GIPR: variants seen among roughly 807,000 people sequenced by gnomAD.
GIPR encodes the protein GIP-R.
Under a neutral mutation model 62.2 loss-of-function variants are expected in GIPR, and 74 were observed. The ratio of observed to expected loss-of-function variants is 1.19; its 90% CI spans 0.99 to 1.44. The LOEUF is 1.44. Among genes scored for constraint, GIPR ranks in the 40% most tolerant of loss-of-function variants. The pLI is 0.00. For missense variants in GIPR, 664 were observed against 611.8 expected, an observed-to-expected ratio of 1.09 and a Z score of -0.90; for synonymous variants, 256 against 262.2, an observed-to-expected ratio of 0.98 and a Z score of 0.23.
At chr19:45,675,663 A>T (rs1169931013) in intron 7 of GIPR, among the ~76,000 whole-genome samples, 1 of 148,380 alleles carries the variant, frequency 6.7e-6, no homozygotes, top group Admixed American at 6.7e-5. Context: ...AGGTGGGCAG[A>T]TCGCTTTTTG....
At chr19:45,671,521 C>A in intron 4 of GIPR, 129 bp downstream of exon 4, 1 of 694,370 alleles carries the variant, frequency 1.4e-6, no homozygotes, top group Non-Finnish European at 2.6e-6. Context: ...CCCCCTACTC[C>A]TTTCCGGCAG....
At chr19:45,679,926 C>T (rs1212108455) in intron 12 of GIPR, among the ~76,000 whole-genome samples, 1 of 152,094 alleles carries the variant, frequency 6.6e-6, no homozygotes, top group Non-Finnish European at 1.5e-5. Context: ...CCCACTACCA[C>T]GCCTGGCTAA....
Position 45,670,552 on chromosome 19 carries a change from T to C in GIPR, c.73-83T>C, listed in dbSNP as rs1975478818. 3.4e-6 allele frequency: 3 copies of C among 889,408 alleles called. No individual in the cohort carries two copies. In the Admixed American group the frequency reaches 6.1e-5, roughly 18 times the overall value. 55.1% of individuals were successfully genotyped at this position (889,408 alleles called of 1,614,324 possible). A position where few individuals can be genotyped will look rare whatever the true frequency, so the allele number is the denominator to read the frequency against. Reference sequence around the variant, plus strand: ...ACGCAACAGACCCTCAAAGTCTCTCTGGGGCGCTTCTGGGCCACATGGACC... The same window carrying C: ...ACGCAACAGACCCTCAAAGTCTCTCCGGGGCGCTTCTGGGCCACATGGACC... On this transcript the variant is annotated intron_variant, in intron 2 of 13. Transcript: ENST00000590918.
In GIPR at chr19:45,671,302, T is replaced by G. The variant is rs746029961; in HGVS notation, c.190T>G (p.Ser64Ala). 1.4e-5 allele frequency: 22 copies of G among 1,611,304 alleles called. No homozygotes were observed. Among genetic ancestry groups the G allele is most frequent in the Non-Finnish European group, 1.9e-5 (22 of 1,178,882 alleles). Reference protein sequence around the residue: ...EPPSGLACNGSFDMYVCWDYA... With the variant: ...EPPSGLACNGAFDMYVCWDYA... ...ACCCCCAGGCCTCGCCTGTAACGGG[T>G]CCTTCGATATGTACGTCTGCTGGGA... is the stretch of plus-strand genomic sequence containing the variant. The change falls in exon 4 of 14, where the codon TCC becomes GCC. Residue 64 changes from serine (S) to alanine (A), a missense_variant. Coordinates refer to ENST00000590918, the MANE Select transcript of GIPR (RefSeq NM_000164.4).
rs967346983 is a variant in GIPR at position 45,682,134 on chromosome 19, ATG to A, written c.*200_*201del. The A allele has an allele frequency of 4.9e-6, 3 of 611,622 alleles. No individual in the cohort carries two copies. Among genetic ancestry groups the A allele is most frequent in the Non-Finnish European group, 5.8e-6 (2 of 343,228 alleles). 37.9% of individuals were successfully genotyped at this position (611,622 alleles called of 1,614,324 possible). A position where few individuals can be genotyped will look rare whatever the true frequency, so the allele number is the denominator to read the frequency against. On this transcript the variant is annotated 3_prime_UTR_variant, in exon 14 of 14. Transcript: ENST00000590918. The stretch of plus-strand genomic sequence containing the variant: ...GTTCCACACACGCTATGGAATGGTT[ATG>A]AAGGGAAGCGAGAAGGGGGCCTAGG...
At chr19:45,671,641 C>T (rs1975545409) in intron 4 of GIPR, among the ~76,000 whole-genome samples, 1 of 152,162 alleles carries the variant, frequency 6.6e-6, no homozygotes, top group Admixed American at 6.5e-5. Context: ...GCTCTATCGC[C>T]CAGGCTGGAG....
intron 5 of GIPR, 53 bp from the exon 6 acceptor site, chr19:45,674,021 G>C: frequency 9.9e-7 from 1 of 1,008,868 alleles, no homozygotes; most frequent in Non-Finnish European, 1.6e-6. Context: ...TCTCTCTCTG[G>C]GCCTGGGGCT....
chr19:45,682,022 A>T lies in GIPR; in HGVS notation c.*87A>T. On this transcript the variant is annotated 3_prime_UTR_variant, in exon 14 of 14. Coordinates refer to ENST00000590918, the MANE Select transcript of GIPR (RefSeq NM_000164.4). Reference sequence around the variant, plus strand: ...GGCCCAGTACGGAGGACGCTGGGGAAATGGTGAAGGAAACAGAAAAAAGGT... The same window carrying T: ...GGCCCAGTACGGAGGACGCTGGGGATATGGTGAAGGAAACAGAAAAAAGGT... 1.7e-6 allele frequency: 2 copies of T among 1,175,756 alleles called. No individual in the cohort carries two copies. The highest frequency in any genetic ancestry group is 2.5e-6 in the Non-Finnish European group (2 of 808,190). 72.8% of individuals were successfully genotyped at this position (1,175,756 alleles called of 1,614,324 possible).
intron 4 of GIPR, among the ~76,000 whole-genome samples, chr19:45,671,859 T>A (rs1223832473): frequency 6.6e-6 from 1 of 151,622 alleles, no homozygotes; most frequent in East Asian, 2.0e-4. Context: ...TAACCTCAAG[T>A]GATCCGCCGG....
rs1036098949 is a variant in GIPR at position 45,674,568 on chromosome 19, C to T, written c.489-114C>T. On this transcript the variant is annotated intron_variant, in intron 6 of 13. Transcript: ENST00000590918. ...GCTGCAGTGAGCCCTGATTGTGTCA[C>T]TGCATTCTAGCCTGGGTGACAGAGT... The T allele has an allele frequency of 2.7e-5, 26 of 949,402 alleles. No homozygotes were observed. The African/African-American group carries it at 3.9e-4, about 14-fold the overall frequency. The allele number at this position is 949,402 out of a possible 1,614,324, so 58.8% of individuals were successfully genotyped here.
intron 2 of GIPR, among the ~76,000 whole-genome samples, chr19:45,669,953 TGG>T (rs377191988): frequency 2.0e-5 from 2 of 100,056 alleles, no homozygotes; most frequent in Non-Finnish European, 4.2e-5. Flanking sequence ...TGTCTCGGGG[TGG>T]GGGGGGGAGG....
intron 3 of GIPR, 140 bp downstream of exon 3, chr19:45,670,874 G>A: frequency 1.6e-6 from 1 of 622,422 alleles, no homozygotes; most frequent in South Asian, 1.9e-5. Context: ...CCTGAGCATG[G>A]TGGGAACTGG....
In GIPR at chr19:45,673,033, C is replaced by T. The variant is rs368653330; in HGVS notation, c.384+79C>T. 6 of 851,676 alleles carry T rather than the reference C, an allele frequency of 7.0e-6. No individual in the cohort carries two copies. The African/African-American group carries it at 8.3e-5, about 12-fold the overall frequency. 52.8% of individuals were successfully genotyped at this position (851,676 alleles called of 1,614,324 possible). A position where few individuals can be genotyped will look rare whatever the true frequency, so the allele number is the denominator to read the frequency against. Reference sequence around the variant, plus strand: ...GTAGATTCAGGCAGGGCCTGAAACCCCTTGGACTGTTCAGACCTCTGGGTT... The same window carrying T: ...GTAGATTCAGGCAGGGCCTGAAACCTCTTGGACTGTTCAGACCTCTGGGTT... On this transcript the variant is annotated intron_variant, in intron 5 of 13. Transcript: ENST00000590918.
In GIPR at chr19:45,669,468, A is replaced by AC; in HGVS notation, c.-44-6dup. 1 of 1,543,986 alleles carries AC rather than the reference A, an allele frequency of 6.5e-7. No homozygotes were observed. The highest frequency in any genetic ancestry group is 8.7e-7 in the Non-Finnish European group (1 of 1,148,134). The stretch of plus-strand genomic sequence containing the variant: ...GCAGAGGTGCTGACCTTGCCCTGGG[A>AC]CCCTCCAGGCCTGATCGCCCCTGCA... On this transcript the variant is annotated splice_polypyrimidine_tract_variant and intron_variant, in intron 1 of 13. Transcript: ENST00000590918.
At chr19:45,674,337 G>T in intron 6 of GIPR, 160 bp downstream of exon 6, 1 of 699,142 alleles carries the variant, frequency 1.4e-6, no homozygotes, top group Non-Finnish European at 2.6e-6. Context: ...GCCGGGAGCG[G>T]TGGCTGATGC....
chr19:45,670,741 C>A lies in GIPR; in HGVS notation c.172+7C>A, dbSNP rs748623857. ...GCCGCGGAACCGCCTTCAGGTGTGA[C>A]CAGGAGGGCTGGGGACGCGGGGAGG... On this transcript the variant is annotated splice_region_variant and intron_variant, in intron 3 of 13. Transcript: ENST00000590918. 10 of 1,575,180 alleles carry A rather than the reference C, an allele frequency of 6.3e-6. No homozygotes were observed. In the South Asian group the frequency reaches 1.0e-4, roughly 16 times the overall value.
Position 45,670,738 on chromosome 19 carries a change from T to C in GIPR, c.172+4T>C. 1 of 1,574,936 alleles carries C rather than the reference T, an allele frequency of 6.3e-7. No individual in the cohort carries two copies. Among genetic ancestry groups the C allele is most frequent in the Non-Finnish European group, 8.7e-7 (1 of 1,154,992 alleles). ...GCAGCCGCGGAACCGCCTTCAGGTG[T>C]GACCAGGAGGGCTGGGGACGCGGGG... On this transcript the variant is annotated splice_donor_region_variant and intron_variant, in intron 3 of 13. Coordinates refer to ENST00000590918, the MANE Select transcript of GIPR (RefSeq NM_000164.4).
At position 45,678,082 on chromosome 19, in the gene GIPR, C is replaced by T. The variant is rs757396569; in HGVS notation, c.1014-6C>T. 1 of 1,612,302 alleles carries T rather than the reference C, an allele frequency of 6.2e-7. No homozygotes were observed. The highest frequency in any genetic ancestry group is 1.1e-5 in the South Asian group (1 of 91,066). On this transcript the variant is annotated splice_region_variant and splice_polypyrimidine_tract_variant and intron_variant, in intron 11 of 13. Transcript: ENST00000590918. Reference sequence around the variant, plus strand: ...CGGGATCACTGCTGCCGCCCTCTCTCCCCAGGCTGGCTCGCTCCACGCTGA... The same window carrying T: ...CGGGATCACTGCTGCCGCCCTCTCTTCCCAGGCTGGCTCGCTCCACGCTGA...
Position 45,669,571 on chromosome 19 carries a change from G to T in GIPR, c.51G>T (p.Gly17=). ...LQLLLRLSLC[G]LLLQRAETGS... is the part of the protein sequence containing the mutation. ...TGCTGCTGCGGCTCTCACTGTGCGG[G>T]CTGCTGCTCCAGAGGGCGGAGGTGA... The change falls in exon 2 of 14, where the codon GGG becomes GGT. Residue 17 remains glycine (G), a synonymous_variant. Transcript: ENST00000590918. 2 of 1,581,228 alleles carry T rather than the reference G, an allele frequency of 1.3e-6. No individual in the cohort carries two copies. The highest frequency in any genetic ancestry group is 1.8e-5 in the Admixed American group (1 of 55,034).
Sources: allele counts gnomAD v4.1 joint callset (sites outside exome capture counted in the v4.1 genomes callset), GRCh38; gene constraint gnomAD v4.1.1; transcripts MANE v1.5; gene names NCBI Gene and HGNC (gene_info 2026-07-23, HGNC 2026-07-21).